The following ZBTB46 variants were observed in gnomAD, a reference collection of about 807,000 sequenced individuals.
The protein encoded by ZBTB46 is zinc finger and BTB domain-containing protein 46.
In ZBTB46, 8 loss-of-function variants were observed where a neutral mutation model predicts 44.1. The observed-to-expected ratio is 0.18, with a 90% confidence interval of 0.11 to 0.33. The LOEUF is 0.33. Among genes scored for constraint, ZBTB46 ranks in the 10% least tolerant of loss-of-function variants. ZBTB46 has a pLI of 1.00. For synonymous variants in ZBTB46, 409 were observed against 382.3 expected (o/e 1.07, Z -0.81); for missense variants, 651 against 847.7 (o/e 0.77, Z 2.88).
chr20:63,771,420 G>T (rs145154013), intron 3 of ZBTB46, among the ~76,000 whole-genome samples: 91 of 152,272 alleles, frequency 6.0e-4, no homozygotes, highest in African/African-American at 2.1e-3. Context: ...ACGCGGTCCC[G>T]CCGGGCCTGG....
intron 1 of ZBTB46, among the ~76,000 whole-genome samples, chr20:63,808,573 C>T (rs529251414): frequency 3.1e-4 from 47 of 152,288 alleles, no homozygotes; most frequent in Admixed American, 2.0e-3. Context: ...TCCTGCCTCC[C>T]CATGAGACCT....
At chr20:63,771,401 A>AG (rs1196035025) in intron 3 of ZBTB46, among the ~76,000 whole-genome samples, 1 of 151,892 alleles carries the variant, frequency 6.6e-6, no homozygotes, top group African/African-American at 2.4e-5. Context: ...GGAGGGAGAG[A>AG]GGGGGGCCAC....
chr20:63,754,099 CTG>C (rs1231056366), intron 3 of ZBTB46, among the ~76,000 whole-genome samples: 3 of 152,252 alleles, frequency 2.0e-5, no homozygotes, highest in African/African-American at 7.2e-5. Flanking sequence ...TGGAGCATGT[CTG>C]TGTGGCCAAG....
At position 63,774,055 on chromosome 20, in the gene ZBTB46, GCCCC is replaced by G. The variant is rs565005627; in HGVS notation, c.1222+1619_1222+1622del. Among the ~76,000 whole-genome samples, 45 of 7,108 alleles carry G rather than the reference GCCCC, an allele frequency of 6.3e-3. 1 individual carries two copies. The East Asian group carries it at 0.078, about 12-fold the overall frequency. 4.7% of individuals were successfully genotyped at this position (7,108 alleles called of 152,430 possible). A position where few individuals can be genotyped will look rare whatever the true frequency, so the allele number is the denominator to read the frequency against. ...AACAGCTGTGTAAGTGGCACCCCCCGCCCCCCCCCCCCCCCCCAGTTTTTCAGAT... is the reference window on the plus strand; with the variant it reads ...AACAGCTGTGTAAGTGGCACCCCCCGCCCCCCCCCCCCCAGTTTTTCAGAT... On this transcript the variant is annotated intron_variant, in intron 3 of 4. Coordinates refer to ENST00000245663, the MANE Select transcript of ZBTB46 (RefSeq NM_001369741.1).
At position 63,790,801 on chromosome 20, in the gene ZBTB46, A is replaced by T. The variant is rs1351184668; in HGVS notation, c.-33-11T>A. 1 of 1,536,104 alleles carries T rather than the reference A, an allele frequency of 6.5e-7. No homozygotes were observed. Among genetic ancestry groups the T allele is most frequent in the Non-Finnish European group, 8.7e-7 (1 of 1,145,460 alleles). On this transcript the variant is annotated splice_polypyrimidine_tract_variant and intron_variant, in intron 1 of 4. Coordinates refer to ENST00000245663, the MANE Select transcript of ZBTB46 (RefSeq NM_001369741.1). The stretch of plus-strand genomic sequence containing the variant: ...CCTCTTCTACAGACTCTGTGGAGGT[A>T]AGAACAAGAGTTACCCAAGCTCAGC...
chr20:63,749,549 G>C (rs1355572140), intron 4 of ZBTB46, among the ~76,000 whole-genome samples: 6 of 152,146 alleles, frequency 3.9e-5, no homozygotes, highest in Admixed American at 1.3e-4. Flanking sequence ...TGTTAGCCAG[G>C]ATGGTCTCGA....
At chr20:63,822,063 G>A (rs866323171) in intron 1 of ZBTB46, among the ~76,000 whole-genome samples, 1 of 152,078 alleles carries the variant, frequency 6.6e-6, no homozygotes, top group South Asian at 2.1e-4. Flanking sequence ...AGCTTTTTGC[G>A]GGAAAAATTA....
chr20:63,831,327 A>G (rs1229533028), upstream of ZBTB46: 98 of 129,650 alleles, frequency 7.6e-4, no homozygotes, highest in African/African-American at 2.5e-3. Context: ...CCGCCCGCGG[A>G]CCCTGACCCC....
At chr20:63,775,553 G>T in intron 3 of ZBTB46, 125 bp downstream of exon 3, 1 of 1,292,284 alleles carries the variant, frequency 7.7e-7, no homozygotes, top group Non-Finnish European at 1.0e-6. Context: ...CCGCAACAGG[G>T]AGGTCAGCAG....
intron 1 of ZBTB46, among the ~76,000 whole-genome samples, chr20:63,795,622 C>T (rs547714266): frequency 1.3e-5 from 2 of 152,356 alleles, no homozygotes; most frequent in East Asian, 3.9e-4. Context: ...CGAGCCTGTG[C>T]TTCTAGGTCC....
At chr20:63,776,023 C>G (rs1004420461) in intron 2 of ZBTB46, 61 bp from the exon 3 acceptor site, 1 of 1,486,764 alleles carries the variant, frequency 6.7e-7, no homozygotes, top group South Asian at 1.4e-5. Flanking sequence ...CCAAGTGGGA[C>G]AGGCGACACA....
intron 3 of ZBTB46, chr20:63,769,533 C>G: frequency 1.2e-6 from 1 of 812,688 alleles, no homozygotes; most frequent in South Asian, 5.6e-5. Context: ...GGTGTTTGAA[C>G]GCTTTGATCA....
chr20:63,810,497 G>A (rs1317608156), intron 1 of ZBTB46, among the ~76,000 whole-genome samples: 1 of 152,144 alleles, frequency 6.6e-6, no homozygotes, highest in East Asian at 1.9e-4. Flanking sequence ...TGTAATCCTA[G>A]CACTTTGGGA....
chr20:63,811,903 C>A (rs1475171466), intron 1 of ZBTB46, among the ~76,000 whole-genome samples: 1 of 152,204 alleles, frequency 6.6e-6, no homozygotes, highest in East Asian at 1.9e-4. Flanking sequence ...CTGGCTCATA[C>A]ATCGTTCAGA....
Position 63,752,084 on chromosome 20 carries a change from C to G in ZBTB46, c.1398+602G>C, listed in dbSNP as rs1390558954. 2.0e-5 allele frequency among the ~76,000 whole-genome samples: 3 copies of G among 152,056 alleles called. No individual in the cohort carries two copies. The highest frequency in any genetic ancestry group is 7.2e-5 in the African/African-American group (3 of 41,422). ...TCGGGGTGGGCGTTCCAGGACTCCC[C>G]GAACCCTTGGGGCCGCCCCGCTCTG... On this transcript the variant is annotated intron_variant, in intron 4 of 4. Coordinates refer to ENST00000245663, the MANE Select transcript of ZBTB46 (RefSeq NM_001369741.1). This position sits in a 1 kb window ranked among gnomAD's most constrained non-coding sequence, Gnocchi z 5.6.
intron 1 of ZBTB46, among the ~76,000 whole-genome samples, chr20:63,824,519 T>C (rs1350631128): frequency 6.6e-6 from 1 of 152,052 alleles, no homozygotes; most frequent in East Asian, 1.9e-4. Flanking sequence ...ACAAAAGCCC[T>C]GAACCACGCC....
At chr20:63,831,658 C>T (rs2092853186), upstream of ZBTB46, among the ~76,000 whole-genome samples, 1 of 150,106 alleles carries the variant, frequency 6.7e-6, no homozygotes, top group Non-Finnish European at 1.5e-5. Flanking sequence ...CGCGGAGCAG[C>T]CTGGAAACAC....
intron 3 of ZBTB46, among the ~76,000 whole-genome samples, chr20:63,756,900 C>A (rs1312376044): frequency 6.6e-6 from 1 of 152,224 alleles, no homozygotes; most frequent in Admixed American, 6.5e-5. Context: ...CCTGTAGATA[C>A]CAGTTTGGGC....
rs568771770 is a variant in ZBTB46 at position 63,746,206 on chromosome 20, G to A, written c.*724C>T. On this transcript the variant is annotated 3_prime_UTR_variant, in exon 5 of 5. Coordinates refer to ENST00000245663, the MANE Select transcript of ZBTB46 (RefSeq NM_001369741.1). ...ACACGACTGAGCCGAGGCCCTTGCAGAGGGAACCTGGTGTGGCCTGAAGTG... is the reference window on the plus strand; with the variant it reads ...ACACGACTGAGCCGAGGCCCTTGCAAAGGGAACCTGGTGTGGCCTGAAGTG... The A allele has an allele frequency of 6.5e-6, 1 of 153,042 alleles. No individual in the cohort carries two copies. Among genetic ancestry groups the A allele is most frequent in the East Asian group, 1.9e-4 (1 of 5,308 alleles). The allele number at this position is 153,042 out of a possible 1,614,324, so 9.5% of individuals were successfully genotyped here. A position where few individuals can be genotyped will look rare whatever the true frequency, so the allele number is the denominator to read the frequency against.
Sources: allele counts gnomAD v4.1 joint callset (sites outside exome capture counted in the v4.1 genomes callset), GRCh38; gene constraint gnomAD v4.1.1; non-coding constraint Gnocchi (gnomAD v3.1); transcripts MANE v1.5; gene names NCBI Gene and HGNC (gene_info 2026-07-23, HGNC 2026-07-21).